NUDT3: variants seen among roughly 807,000 people sequenced by gnomAD.
NUDT3 encodes diphosphoinositol polyphosphate phosphohydrolase 1.
In NUDT3, 9 loss-of-function variants were observed where a neutral mutation model predicts 23.6. The observed-to-expected ratio is 0.38, with a 90% CI of 0.23 to 0.66. The LOEUF is 0.66. Among genes scored for constraint, NUDT3 ranks in the 30% least tolerant of loss-of-function variants. The pLI is 0.52. For missense variants in NUDT3, 172 were observed against 218.5 expected (o/e 0.79, Z 1.34); for synonymous variants, 86 against 82.6 (o/e 1.04, Z -0.22).
At chr6:34,350,088 CA>C (rs35372069) in intron 1 of NUDT3, among the ~76,000 whole-genome samples, 2 of 143,850 alleles carry the variant, frequency 1.4e-5, no homozygotes, top group Non-Finnish European at 1.5e-5. Flanking sequence ...AACTCCGTCT[CA>C]AAAAAAAAGA....
intron 2 of NUDT3, among the ~76,000 whole-genome samples, chr6:34,312,807 G>A (rs1176190334): frequency 6.6e-6 from 1 of 152,124 alleles, no homozygotes; most frequent in African/African-American, 2.4e-5. Context: ...AATAAGGTGT[G>A]GTACATTTAC....
At position 34,282,324 on chromosome 6, in the gene NUDT3, G is replaced by C. The variant is rs1763288671; in HGVS notation, c.*6429C>G. The C allele has an allele frequency of 6.6e-6, 1 of 152,178 alleles. No individual in the cohort carries two copies. Among genetic ancestry groups the C allele is most frequent in the South Asian group, 2.1e-4 (1 of 4,828 alleles). 9.4% of individuals were successfully genotyped at this position (152,178 alleles called of 1,614,324 possible). The stretch of plus-strand genomic sequence containing the variant: ...TGCTCAGAAAGACAGGCTCAGATCA[G>C]GACGACTTCTTAAAGGGATTCACAG... On this transcript the variant is annotated 3_prime_UTR_variant, in exon 5 of 5. Coordinates refer to ENST00000607016, the MANE Select transcript of NUDT3 (RefSeq NM_006703.4).
rs539364043 is a variant in NUDT3, at chr6:34,358,591, A to T, written c.100-16619T>A. On this transcript the variant is annotated intron_variant, in intron 1 of 4. Transcript: ENST00000607016. ...TAAGCACAATCAAGTGATTATGTGGAAATTATTTTTTAAAGTAAAAAAGAA... is the reference window on the plus strand; with the variant it reads ...TAAGCACAATCAAGTGATTATGTGGTAATTATTTTTTAAAGTAAAAAAGAA... Among the ~76,000 whole-genome samples the T allele has an allele frequency of 2.4e-4, 36 of 152,278 alleles. No homozygotes were observed. In the South Asian group the frequency reaches 5.4e-3, roughly 23 times the overall value.
intron 2 of NUDT3, among the ~76,000 whole-genome samples, chr6:34,313,452 A>T (rs1334600233): frequency 6.6e-6 from 1 of 152,158 alleles, no homozygotes; most frequent in East Asian, 1.9e-4. Flanking sequence ...CCTTTCTACA[A>T]ATCCAAAGAA....
intron 1 of NUDT3, among the ~76,000 whole-genome samples, chr6:34,387,003 T>TA (rs1338891869): frequency 1.3e-5 from 2 of 152,068 alleles, no homozygotes; most frequent in Admixed American, 6.5e-5. Flanking sequence ...GAGCCCCAGA[T>TA]ACTTGTTGAG....
At position 34,366,478 on chromosome 6, in the gene NUDT3, AGGGAGGG is replaced by A. The variant is rs1275507400; in HGVS notation, c.100-24513_100-24507del. Reference sequence around the variant, plus strand: ...AGAGAGAAAGAGAGAGAGGGAAGGGAGGGAGGGAGGGAGGGAGGGAGGGAGGGAGGGA... The same window carrying A: ...AGAGAGAAAGAGAGAGAGGGAAGGGAAGGGAGGGAGGGAGGGAGGGAGGGA... On this transcript the variant is annotated intron_variant, in intron 1 of 4. Transcript: ENST00000607016. Among the ~76,000 whole-genome samples the A allele has an allele frequency of 8.4e-3, 149 of 17,736 alleles. 1 individual carries two copies. Among genetic ancestry groups the A allele is most frequent in the African/African-American group, 0.05 (141 of 2,816 alleles). The allele number at this position is 17,736 out of a possible 152,430, so 11.6% of individuals were successfully genotyped here.
At chr6:34,371,245 C>A (rs1019177693) in intron 1 of NUDT3, among the ~76,000 whole-genome samples, 9 of 151,974 alleles carry the variant, frequency 5.9e-5, no homozygotes, top group African/African-American at 2.2e-4. Flanking sequence ...CCGAGGCAGG[C>A]AGATCAAGAG....
At chr6:34,392,158 G>T in intron 1 of NUDT3, 106 bp downstream of exon 1, 1 of 747,050 alleles carries the variant, frequency 1.3e-6, no homozygotes, top group African/African-American at 1.9e-5. Context: ...TTCCGCCCGA[G>T]CGGGGCGGCC....
intron 4 of NUDT3, among the ~76,000 whole-genome samples, chr6:34,291,764 A>C (rs1343565430): frequency 6.6e-6 from 1 of 152,058 alleles, no homozygotes; most frequent in East Asian, 1.9e-4. Context: ...CAGCCTCCCA[A>C]AGCGCTGGGA....
chr6:34,367,507 T>A lies in NUDT3; in HGVS notation c.99+24757A>T, dbSNP rs548881883. On this transcript the variant is annotated intron_variant, in intron 1 of 4. Coordinates refer to ENST00000607016, the MANE Select transcript of NUDT3 (RefSeq NM_006703.4). ...CATTAAAAAAAAAAAGAAAAAAAAA[T>A]GTAATAAATAAAAGGTACTAATAGT... Among the ~76,000 whole-genome samples the A allele has an allele frequency of 9.5e-3, 1,253 of 131,386 alleles. 15 individuals are homozygous for A. The highest frequency in any genetic ancestry group is 0.03 in the Middle Eastern group (7 of 236). 86.2% of individuals were successfully genotyped at this position (131,386 alleles called of 152,430 possible). A position where few individuals can be genotyped will look rare whatever the true frequency, so the allele number is the denominator to read the frequency against.
intron 2 of NUDT3, among the ~76,000 whole-genome samples, chr6:34,339,040 TG>T (rs747666079): frequency 6.6e-6 from 1 of 152,172 alleles, no homozygotes; most frequent in Non-Finnish European, 1.5e-5. Flanking sequence ...TTGCTGTCTC[TG>T]GGGTGGATCA....
At chr6:34,313,053 TACTCCCAG>T (rs2113711111) in intron 2 of NUDT3, among the ~76,000 whole-genome samples, 1 of 152,116 alleles carries the variant, frequency 6.6e-6, no homozygotes, top group South Asian at 2.1e-4. Context: ...TACAGGCCTG[TACTCCCAG>T]ACACCAGGGA....
At chr6:34,354,843 ATATTT>A (rs1317084822) in intron 1 of NUDT3, among the ~76,000 whole-genome samples, 82 of 148,440 alleles carry the variant, frequency 5.5e-4, no homozygotes, top group African/African-American at 1.8e-3. Flanking sequence ...TTGTATACTT[ATATTT>A]TATTTTATAT....
At chr6:34,370,499 G>A (rs937405686) in intron 1 of NUDT3, among the ~76,000 whole-genome samples, 3 of 152,158 alleles carry the variant, frequency 2.0e-5, no homozygotes, top group African/African-American at 7.2e-5. Flanking sequence ...ACTCCTAATT[G>A]CACAGAAAAC....
Position 34,286,254 on chromosome 6 carries a change from G to GT in NUDT3, c.*2498dup, listed in dbSNP as rs1191135838. 6.6e-6 allele frequency: 1 copy of GT among 152,044 alleles called. No individual in the cohort carries two copies. The highest frequency in any genetic ancestry group is 2.4e-5 in the African/African-American group (1 of 41,388). The allele number at this position is 152,044 out of a possible 1,614,324, so 9.4% of individuals were successfully genotyped here. On this transcript the variant is annotated 3_prime_UTR_variant, in exon 5 of 5. Coordinates refer to ENST00000607016, the MANE Select transcript of NUDT3 (RefSeq NM_006703.4). ...GCACCATCATGCCCAGCTAATTTTT[G>GT]TATTTTAGTAGAGATGGGGTTTTGC...
At chr6:34,322,511 G>A (rs1167395679) in intron 2 of NUDT3, among the ~76,000 whole-genome samples, 2 of 152,208 alleles carry the variant, frequency 1.3e-5, no homozygotes, top group African/African-American at 4.8e-5. Context: ...CTACAGGCAT[G>A]AGCCACTGCG....
intron 2 of NUDT3, among the ~76,000 whole-genome samples, chr6:34,305,981 T>C (rs1039161182): frequency 9.2e-5 from 14 of 152,172 alleles, no homozygotes; most frequent in African/African-American, 3.4e-4. Context: ...CTTGAAAAAA[T>C]TACGTATTCT....
intron 1 of NUDT3, among the ~76,000 whole-genome samples, chr6:34,359,422 T>G (rs1274815955): frequency 2.0e-5 from 3 of 152,156 alleles, no homozygotes; most frequent in Non-Finnish European, 4.4e-5. Context: ...TAGCAGTTAT[T>G]CCCTGTCCCC....
At chr6:34,345,589 G>A (rs901543758) in intron 1 of NUDT3, among the ~76,000 whole-genome samples, 26 of 149,832 alleles carry the variant, frequency 1.7e-4, no homozygotes, top group Non-Finnish European at 2.8e-4. Flanking sequence ...CGTGAACCCG[G>A]GAGGTGGAGC....
Sources: gnomAD v4.1 joint callset for allele counts (sites outside exome capture counted in the v4.1 genomes callset) on GRCh38, gnomAD v4.1.1 for gene constraint, MANE v1.5 for transcripts, NCBI Gene and HGNC (gene_info 2026-07-23, HGNC 2026-07-21) for gene names.